POU3F3: variants seen among roughly 807,000 people sequenced by gnomAD.
POU3F3 encodes the protein POU class 3 homeobox 3.
A neutral mutation model predicts 8.6 loss-of-function variants in POU3F3; 1 was observed. That is an observed-to-expected ratio of 0.12 (90% confidence interval 0.04 to 0.55). POU3F3 has a LOEUF of 0.55. POU3F3 is among the 20% of genes least tolerant of loss of function. POU3F3 has a pLI of 0.91. For missense variants in POU3F3, 577 were observed against 690.7 expected (o/e 0.84, Z 1.84); for synonymous variants, 418 against 327.4 (o/e 1.28, Z -2.99).
chr2:104,872,487 C>T, the POU3F3 span: 2 of 391,434 alleles, frequency 5.1e-6, no homozygotes, highest in Middle Eastern at 8.4e-4. The surrounding 1 kb of genome is among the most constrained non-coding windows in gnomAD (Gnocchi z 4.6). Context: ...TCGCCCCGAG[C>T]CTCCCTCCCG....
chr2:104,879,161 A>G, the POU3F3 span, among the ~76,000 whole-genome samples: 30 of 152,082 alleles, frequency 2.0e-4, no homozygotes, highest in Admixed American at 1.2e-3. Flanking sequence ...CACAATACAC[A>G]TGGCACACAA....
In POU3F3 at chr2:104,856,353, C is replaced by T. The variant is rs1419196316; in HGVS notation, c.843C>T (p.His281=). ...ACCACCACCACCACGCGCATCCTCA[C>T]CCGCCGCACCCGCACCACGCGCAGG... is the stretch of plus-strand genomic sequence containing the variant. ...HHHHHHHAHP[H]PPHPHHAQGP... The change falls in exon 1 of 1, where the codon CAC becomes CAT. Residue 281 remains histidine (H), a synonymous_variant. Transcript: ENST00000361360. The T allele has an allele frequency of 6.6e-7, 1 of 1,519,558 alleles. No homozygotes were observed. The highest frequency in any genetic ancestry group is 1.4e-5 in the African/African-American group (1 of 72,208). 94.1% of individuals were successfully genotyped at this position (1,519,558 alleles called of 1,614,324 possible).
chr2:104,926,952 CA>C, the POU3F3 span, among the ~76,000 whole-genome samples: 1 of 151,836 alleles, frequency 6.6e-6, no homozygotes, highest in African/African-American at 2.4e-5. Context: ...TGGGGCCTGT[CA>C]GGGGGTGAGG....
At chr2:104,926,030 C>T in the POU3F3 span, 3 of 152,026 alleles carry the variant, frequency 2.0e-5, no homozygotes, top group South Asian at 6.2e-4. Flanking sequence ...AGATTGTCCT[C>T]ACCATAGGCA....
the POU3F3 span, among the ~76,000 whole-genome samples, chr2:104,869,478 T>TGGG: frequency 6.6e-6 from 1 of 152,204 alleles, no homozygotes; most frequent in Non-Finnish European, 1.5e-5. Flanking sequence ...CTGAGTGATG[T>TGGG]GGGTCTCCTG....
At chr2:104,853,362 T>C (rs1407277651), upstream of POU3F3, 1 of 152,274 alleles carries the variant, frequency 6.6e-6, no homozygotes, top group Non-Finnish European at 1.5e-5. Flanking sequence ...TCCCAGATGA[T>C]GGCATCCGAG....
At chr2:104,899,702 A>G in the POU3F3 span, among the ~76,000 whole-genome samples, 11 of 152,358 alleles carry the variant, frequency 7.2e-5, no homozygotes, top group African/African-American at 2.6e-4. Context: ...TGAGACTGTG[A>G]GCCAACAAAG....
chr2:104,894,719 A>T, the POU3F3 span, among the ~76,000 whole-genome samples: 1 of 152,186 alleles, frequency 6.6e-6, no homozygotes. Flanking sequence ...TTTCAGTGAA[A>T]AGCACACTGT....
the POU3F3 span, among the ~76,000 whole-genome samples, chr2:104,896,058 C>T: frequency 2.6e-5 from 4 of 152,088 alleles, no homozygotes; most frequent in Non-Finnish European, 4.4e-5. Flanking sequence ...GAAGCCTGAG[C>T]GGCAGGGAGC....
chr2:104,878,433 G>A, the POU3F3 span, among the ~76,000 whole-genome samples: 1,799 of 152,282 alleles, frequency 0.012, 41 homozygotes, highest in African/African-American at 0.041. Flanking sequence ...ACGTACTACA[G>A]TATAGGCTGT....
chr2:104,871,383 G>A, the POU3F3 span, among the ~76,000 whole-genome samples: 1 of 152,146 alleles, frequency 6.6e-6, no homozygotes, highest in Non-Finnish European at 1.5e-5. Context: ...TTTGGGGAAG[G>A]AGTGCGGTAA....
the POU3F3 span, among the ~76,000 whole-genome samples, chr2:104,883,134 C>T: frequency 6.6e-6 from 1 of 152,176 alleles, no homozygotes; most frequent in East Asian, 1.9e-4. Context: ...TGGAGAGTTG[C>T]TGGGATTAAA....
At chr2:104,886,910 A>C in the POU3F3 span, among the ~76,000 whole-genome samples, 1 of 152,102 alleles carries the variant, frequency 6.6e-6, no homozygotes. Context: ...CTGTCCCAAA[A>C]AATAAAAAAT....
the POU3F3 span, among the ~76,000 whole-genome samples, chr2:104,890,298 A>G: frequency 6.6e-6 from 1 of 151,796 alleles, no homozygotes; most frequent in South Asian, 2.1e-4. Context: ...ACTTTGCTGA[A>G]TTGTTTTTCC....
the POU3F3 span, among the ~76,000 whole-genome samples, chr2:104,916,128 T>C: frequency 1.3e-5 from 2 of 152,178 alleles, no homozygotes; most frequent in South Asian, 4.2e-4. Context: ...TATAAGATAC[T>C]CTAACACAGA....
At chr2:104,892,716 T>C in the POU3F3 span, among the ~76,000 whole-genome samples, 2 of 151,520 alleles carry the variant, frequency 1.3e-5, no homozygotes, top group African/African-American at 4.9e-5. Flanking sequence ...TACACACATA[T>C]GGAGAGAGAG....
chr2:104,912,967 T>G, the POU3F3 span, among the ~76,000 whole-genome samples: 3 of 152,236 alleles, frequency 2.0e-5, no homozygotes, highest in Non-Finnish European at 1.5e-5. Flanking sequence ...CAATAAATTT[T>G]CATACTACTT....
chr2:104,875,103 T>C, the POU3F3 span, among the ~76,000 whole-genome samples: 1 of 152,240 alleles, frequency 6.6e-6, no homozygotes, highest in Non-Finnish European at 1.5e-5. Context: ...CTCATCTTTT[T>C]GTGACTGGCT....
At chr2:104,873,749 T>C in the POU3F3 span, among the ~76,000 whole-genome samples, 3 of 152,002 alleles carry the variant, frequency 2.0e-5, no homozygotes, top group Non-Finnish European at 4.4e-5. Flanking sequence ...GCTTCCCAAT[T>C]ACCACCACCA....
Sources: gnomAD v4.1 joint callset for allele counts (sites outside exome capture counted in the v4.1 genomes callset) on GRCh38, gnomAD v4.1.1 for gene constraint, Gnocchi (gnomAD v3.1) non-coding constraint, MANE v1.5 for transcripts, NCBI Gene and HGNC (gene_info 2026-07-23, HGNC 2026-07-21) for gene names.